The following DCDC1 variants were observed in gnomAD, a reference collection of about 807,000 sequenced individuals.
DCDC1 encodes the protein doublecortin domain containing 1.
Under a neutral mutation model 178.3 loss-of-function variants are expected in DCDC1, and 200 were observed. The ratio of observed to expected loss-of-function variants is 1.12; its 90% CI spans 1.00 to 1.26. The LOEUF is 1.26. Among genes scored for constraint, DCDC1 ranks in the 50% most tolerant of loss-of-function variants. DCDC1 has a pLI of 0.00. For missense variants in DCDC1, 1,983 were observed against 1,749.2 expected, an observed-to-expected ratio of 1.13 and a Z score of -2.38; for synonymous variants, 690 against 604.8, an observed-to-expected ratio of 1.14 and a Z score of -2.07.
At chr11:31,190,088 G>C (rs1397508221) in intron 9 of DCDC1, among the ~76,000 whole-genome samples, 1 of 152,164 alleles carries the variant, frequency 6.6e-6, no homozygotes, top group Non-Finnish European at 1.5e-5. Context: ...GTGTTTCACT[G>C]AATCAGTGTA....
intron 21 of DCDC1, among the ~76,000 whole-genome samples, chr11:30,934,501 T>C (rs1288021675): frequency 1.3e-5 from 2 of 152,168 alleles, no homozygotes; most frequent in African/African-American, 2.4e-5. Context: ...TAGGTACAAG[T>C]TGGGAGTTCT....
At chr11:30,875,829 A>AT (rs1319741826) in intron 38 of DCDC1, among the ~76,000 whole-genome samples, 1 of 152,196 alleles carries the variant, frequency 6.6e-6, no homozygotes, top group Non-Finnish European at 1.5e-5. Context: ...CTACCTTTGC[A>AT]TTTTGAATCA....
At chr11:30,871,665 A>G (rs906080516) in intron 38 of DCDC1, among the ~76,000 whole-genome samples, 1 of 152,102 alleles carries the variant, frequency 6.6e-6, no homozygotes, top group Non-Finnish European at 1.5e-5. Context: ...TAAAATAGCA[A>G]GATTTTATCA....
At chr11:31,268,081 C>T (rs1293280962) in intron 7 of DCDC1, among the ~76,000 whole-genome samples, 1 of 152,150 alleles carries the variant, frequency 6.6e-6, no homozygotes, top group Non-Finnish European at 1.5e-5. Context: ...TCTTTACAAC[C>T]CCACATTACT....
At chr11:30,905,596 G>A (rs976242098) in intron 30 of DCDC1, among the ~76,000 whole-genome samples, 2 of 152,286 alleles carry the variant, frequency 1.3e-5, no homozygotes, top group Admixed American at 1.3e-4. Flanking sequence ...TTAAACACAT[G>A]GTAGTAAGGG....
intron 20 of DCDC1, among the ~76,000 whole-genome samples, chr11:30,978,812 ACACACACACACACACC>A (rs1950239941): frequency 1.2e-5 from 1 of 86,372 alleles, no homozygotes; most frequent in Non-Finnish European, 3.0e-5. Context: ...ACACACACAC[ACACACACACACACACC>A]CCCTTCTCAG....
Position 31,090,600 on chromosome 11 carries a change from T to A in DCDC1, c.2237+793A>T, listed in dbSNP as rs77592680. On this transcript the variant is annotated intron_variant, in intron 17 of 38. Transcript: ENST00000684477. ...TGCAGACTGGATCTATACCTGGGAA[T>A]TTGAGTCTGTAGATCACATTCTTAA... Among the ~76,000 whole-genome samples, 122 of 152,288 alleles carry A rather than the reference T, an allele frequency of 8.0e-4. No individual in the cohort carries two copies. The East Asian group carries it at 0.011, about 14-fold the overall frequency.
chr11:31,255,092 T>C (rs1944322641), intron 8 of DCDC1, among the ~76,000 whole-genome samples: 1 of 152,208 alleles, frequency 6.6e-6, no homozygotes, highest in Admixed American at 6.5e-5. Flanking sequence ...TGTTCAAGAT[T>C]CACCCATACT....
intron 7 of DCDC1, among the ~76,000 whole-genome samples, chr11:31,288,802 T>C (rs776990796): frequency 9.9e-5 from 15 of 152,058 alleles, no homozygotes; most frequent in African/African-American, 1.7e-4. Flanking sequence ...CATGATCCTA[T>C]GATTATCAAC....
At chr11:31,089,750 T>C (rs563574404) in intron 17 of DCDC1, among the ~76,000 whole-genome samples, 1 of 152,276 alleles carries the variant, frequency 6.6e-6, no homozygotes, top group African/African-American at 2.4e-5. Flanking sequence ...TTGTCTCATA[T>C]ATTGTAGTTT....
chr11:31,345,760 A>G (rs930460022), intron 1 of DCDC1, among the ~76,000 whole-genome samples: 2 of 152,174 alleles, frequency 1.3e-5, no homozygotes, highest in Admixed American at 1.3e-4. Flanking sequence ...TGAGTTGGCT[A>G]TAATTCAGGA....
chr11:31,189,195 C>A (rs1460847179), intron 9 of DCDC1, among the ~76,000 whole-genome samples: 1 of 152,088 alleles, frequency 6.6e-6, no homozygotes, highest in East Asian at 1.9e-4. Flanking sequence ...TGATTAAGTT[C>A]TTCATAATAG....
intron 8 of DCDC1, among the ~76,000 whole-genome samples, chr11:31,243,238 T>C (rs1371096854): frequency 6.6e-6 from 1 of 151,718 alleles, no homozygotes; most frequent in Non-Finnish European, 1.5e-5. Flanking sequence ...GCAACCTTGA[T>C]TACAATTTTT....
chr11:31,089,472 C>T (rs949736944), intron 17 of DCDC1, among the ~76,000 whole-genome samples: 1 of 152,114 alleles, frequency 6.6e-6, no homozygotes, highest in African/African-American at 2.4e-5. Context: ...TGGGTTATAG[C>T]TCTCAATTTT....
intron 21 of DCDC1, among the ~76,000 whole-genome samples, chr11:30,951,660 CAAATT>C (rs1446719061): frequency 2.0e-5 from 3 of 151,860 alleles, no homozygotes; most frequent in Admixed American, 6.6e-5. Flanking sequence ...AAGAAAGTAA[CAAATT>C]AATATACTTG....
At chr11:31,273,256 T>C (rs879830401) in intron 7 of DCDC1, among the ~76,000 whole-genome samples, 2 of 152,220 alleles carry the variant, frequency 1.3e-5, no homozygotes, top group Admixed American at 6.5e-5. Flanking sequence ...TTATTTTCTA[T>C]TGAATTGTTA....
chr11:31,276,628 A>G (rs1384202201), intron 7 of DCDC1, among the ~76,000 whole-genome samples: 1 of 152,212 alleles, frequency 6.6e-6, no homozygotes, highest in East Asian at 1.9e-4. Context: ...TAACCAGAAA[A>G]TGCCAGAAGA....
intron 25 of DCDC1, among the ~76,000 whole-genome samples, chr11:30,919,390 A>G (rs1031789514): frequency 2.0e-5 from 3 of 152,230 alleles, no homozygotes; most frequent in African/African-American, 4.8e-5. Flanking sequence ...AGATGCCTGC[A>G]TTGTACTCTG....
intron 9 of DCDC1, among the ~76,000 whole-genome samples, chr11:31,204,555 GC>G (rs1971661857): frequency 6.6e-6 from 1 of 152,172 alleles, no homozygotes; most frequent in Non-Finnish European, 1.5e-5. Flanking sequence ...ATAGCCGGGG[GC>G]TCATGCCTGT....
Sources: gnomAD v4.1 joint callset for allele counts (sites outside exome capture counted in the v4.1 genomes callset) on GRCh38, gnomAD v4.1.1 for gene constraint, MANE v1.5 for transcripts, NCBI Gene and HGNC (gene_info 2026-07-23, HGNC 2026-07-21) for gene names.